Variants in URI1 observed in about 807,000 individuals in gnomAD.
URI1 encodes the protein unconventional prefoldin RPB5 interactor 1.
URI1 carries 39 observed loss-of-function variants against 60.2 expected under a neutral mutation model. The observed-to-expected ratio is 0.65, with a 90% confidence interval of 0.50 to 0.85. The LOEUF is 0.85. Ranked by LOEUF, URI1 falls within the 40% of genes least tolerant of loss-of-function variation. URI1 has a pLI of 0.00. For missense variants in URI1, 691 were observed against 665.9 expected, an observed-to-expected ratio of 1.04 and a Z score of -0.42; for synonymous variants, 251 against 236.8, an observed-to-expected ratio of 1.06 and a Z score of -0.55.
chr19:29,968,860 C>T (rs532754836), intron 1 of URI1, among the ~76,000 whole-genome samples: 6 of 151,628 alleles, frequency 4.0e-5, no homozygotes, highest in Admixed American at 1.3e-4. Flanking sequence ...CGTGAGCCAC[C>T]GCGTCTGACC....
At position 30,015,015 on chromosome 19, in the gene URI1, A is replaced by C. The variant is rs749271708; in HGVS notation, c.1554A>C (p.Glu518Asp). The C allele has an allele frequency of 3.7e-6, 6 of 1,613,712 alleles. No homozygotes were observed. The highest frequency in any genetic ancestry group is 2.2e-5 in the East Asian group (1 of 44,880). Residue 518 changes from glutamate to aspartate, a missense_variant, in exon 11 of 11, where the codon GAA becomes GAC. Physicochemically the swap from Glu to Asp is conservative, Grantham distance 45. Coordinates refer to ENST00000392271, the MANE Select transcript of URI1 (RefSeq NM_003796.3). ...RKEVLLEASEETGKRVSKFKA... is the reference protein window; with the variant it reads ...RKEVLLEASEDTGKRVSKFKA... ...AAGTTCTGTTGGAAGCATCTGAAGAAACTGGAAAGAGGGTTTCAAAGTTTA... is the reference window on the plus strand; with the variant it reads ...AAGTTCTGTTGGAAGCATCTGAAGACACTGGAAAGAGGGTTTCAAAGTTTA...
chr19:29,985,391 C>A, intron 3 of URI1, 90 bp downstream of exon 3: 4 of 1,116,602 alleles, frequency 3.6e-6, no homozygotes, highest in Non-Finnish European at 4.0e-6. Flanking sequence ...GGCTGATGGA[C>A]TGTGTCCAAG....
intron 1 of URI1, among the ~76,000 whole-genome samples, chr19:29,929,853 A>G (rs553589622): frequency 3.4e-4 from 51 of 152,100 alleles, no homozygotes; most frequent in Non-Finnish European, 6.2e-4. Context: ...TATATGCTTG[A>G]TATTAAACCC....
At chr19:29,971,156 C>T in intron 1 of URI1, 37 bp from the exon 2 acceptor site, 1 of 1,609,152 alleles carries the variant, frequency 6.2e-7, no homozygotes, top group Non-Finnish European at 8.5e-7. Flanking sequence ...GTGCATAGCT[C>T]TGTTTTTTCA....
chr19:29,950,098 T>C (rs1210174895), intron 1 of URI1, among the ~76,000 whole-genome samples: 1 of 152,256 alleles, frequency 6.6e-6, no homozygotes, highest in Non-Finnish European at 1.5e-5. Flanking sequence ...TTGTTGGCAC[T>C]TAGTATTGTG....
intron 4 of URI1, among the ~76,000 whole-genome samples, chr19:29,989,474 A>AGT (rs1261920807): frequency 6.6e-6 from 1 of 151,658 alleles, no homozygotes; most frequent in East Asian, 1.9e-4. Context: ...CCCAGGCTGG[A>AGT]GTGCAGTGGC....
chr19:30,012,094 T>G (rs985025656), intron 9 of URI1, among the ~76,000 whole-genome samples, 191 bp from the exon 10 acceptor site: 2 of 151,660 alleles, frequency 1.3e-5, no homozygotes, highest in African/African-American at 4.8e-5. Flanking sequence ...GCCAGAGAAA[T>G]AGCTTTCAAA....
intron 1 of URI1, 74 bp downstream of exon 1, chr19:29,942,738 C>T (rs902671562): frequency 2.3e-6 from 3 of 1,292,210 alleles, no homozygotes; most frequent in African/African-American, 1.5e-5. Context: ...GCCGCCGCCC[C>T]GCGTGGCCTA....
chr19:29,971,230 G>A lies in URI1; in HGVS notation c.152+3G>A, dbSNP rs777270580. ...TGCCAAGAGAGAATCCAGCATTGGT[G>A]AGTGAAAGATGGTTTTATTACACTT... On this transcript the variant is annotated splice_donor_region_variant and intron_variant, in intron 2 of 10. Transcript: ENST00000392271. The A allele has an allele frequency of 1.2e-6, 2 of 1,612,304 alleles. No individual in the cohort carries two copies. The highest frequency in any genetic ancestry group is 1.7e-6 in the Non-Finnish European group (2 of 1,179,234).
intron 2 of URI1, among the ~76,000 whole-genome samples, chr19:29,973,772 A>G (rs989830595): frequency 6.6e-6 from 1 of 152,196 alleles, no homozygotes; most frequent in African/African-American, 2.4e-5. Flanking sequence ...ATATTTGTTT[A>G]GTTAATAACA....
At chr19:29,957,110 C>T (rs138894832) in intron 1 of URI1, 19 of 446,498 alleles carry the variant, frequency 4.3e-5, no homozygotes, top group African/African-American at 2.8e-4. Flanking sequence ...GCAGGAAAAC[C>T]GTAAAAGAAA....
chr19:29,938,322 T>C (rs1240287695), upstream of URI1, among the ~76,000 whole-genome samples: 2 of 151,974 alleles, frequency 1.3e-5, no homozygotes, highest in Non-Finnish European at 2.9e-5. Flanking sequence ...CAAGTGGAAG[T>C]AAGAGCTAGG....
chr19:29,960,110 A>G (rs553594256), intron 1 of URI1, among the ~76,000 whole-genome samples: 4 of 152,264 alleles, frequency 2.6e-5, no homozygotes, highest in Middle Eastern at 3.4e-3. Flanking sequence ...CTTTTCAAAC[A>G]TTATTTTCTA....
chr19:29,929,685 A>G (rs1421939304), intron 1 of URI1, among the ~76,000 whole-genome samples: 2 of 152,134 alleles, frequency 1.3e-5, no homozygotes, highest in African/African-American at 4.8e-5. Flanking sequence ...TCAGATTTGC[A>G]TTTCCCTAAT....
intron 10 of URI1, 95 bp downstream of exon 10, chr19:30,012,626 TA>T (rs1347608859): frequency 2.8e-6 from 4 of 1,434,548 alleles, no homozygotes; most frequent in Non-Finnish European, 3.7e-6. Context: ...AAATTAATTC[TA>T]GGTTTTATAC....
chr19:29,999,872 C>G (rs371329959), intron 4 of URI1, among the ~76,000 whole-genome samples: 7 of 152,094 alleles, frequency 4.6e-5, no homozygotes, highest in African/African-American at 1.7e-4. Flanking sequence ...CCTTTTGGCT[C>G]ACAGTTCCCA....
chr19:29,971,014 T>G (rs1473795043), intron 1 of URI1, 179 bp from the exon 2 acceptor site: 7 of 613,464 alleles, frequency 1.1e-5, no homozygotes, highest in Non-Finnish European at 1.7e-5. Flanking sequence ...TAGAGGGTTA[T>G]GATAAAGTGT....
intron 2 of URI1, among the ~76,000 whole-genome samples, chr19:29,980,719 C>A (rs898887169): frequency 2.0e-5 from 3 of 147,164 alleles, no homozygotes; most frequent in Admixed American, 6.9e-5. Context: ...GGTCAGGGTT[C>A]GAGACCAGCC....
chr19:29,932,293 AGATGATGATTATGATGAT>A lies in URI1; in HGVS notation c.63+8552_63+8569del, dbSNP rs549128288. On this transcript the variant is annotated intron_variant, in intron 1 of 10. Coordinates refer to the URI1 transcript ENST00000360605. The stretch of plus-strand genomic sequence containing the variant: ...TCAAATGCTTTTTCGGCATCATTTG[AGATGATGATTATGATGAT>A]GATGATGATTATTATTATTATTTGA... Among the ~76,000 whole-genome samples the A allele has an allele frequency of 8.1e-3, 1,237 of 152,078 alleles. 7 individuals carry two copies. The highest frequency in any genetic ancestry group is 0.011 in the Non-Finnish European group (757 of 68,000).
Sources: allele counts gnomAD v4.1 joint callset (sites outside exome capture counted in the v4.1 genomes callset), GRCh38; gene constraint gnomAD v4.1.1; transcripts MANE v1.5; gene names NCBI Gene and HGNC (gene_info 2026-07-23, HGNC 2026-07-21).